PACRG: variants seen among roughly 807,000 people sequenced by gnomAD.
The protein encoded by PACRG is parkin coregulated gene protein.
Under a neutral mutation model 29.7 loss-of-function variants are expected in PACRG, and 29 were observed. The ratio of observed to expected loss-of-function variants is 0.98; its 90% confidence interval spans 0.73 to 1.33. PACRG has a LOEUF of 1.33. Ranked by LOEUF, PACRG falls within the 40% of genes most tolerant of loss-of-function variation. The pLI, the probability that PACRG is intolerant of heterozygous loss-of-function variation, is 0.00. For synonymous variants in PACRG, 116 were observed against 118.7 expected, an observed-to-expected ratio of 0.98 and a Z score of 0.15; for missense variants, 279 against 316.2, an observed-to-expected ratio of 0.88 and a Z score of 0.89.
chr6:163,209,522 G>T (rs6922426), intron 4 of PACRG, among the ~76,000 whole-genome samples: 1 of 152,174 alleles, frequency 6.6e-6, no homozygotes, highest in Non-Finnish European at 1.5e-5. Context: ...AATATTGACA[G>T]GTTATGCTAC....
chr6:162,849,682 A>C (rs1382914124), intron 2 of PACRG, among the ~76,000 whole-genome samples: 3 of 152,218 alleles, frequency 2.0e-5, no homozygotes, highest in Non-Finnish European at 4.4e-5. Flanking sequence ...AGATTATTGA[A>C]AACTACAATT....
At chr6:163,059,200 TTCTC>T (rs1810886389) in intron 2 of PACRG, among the ~76,000 whole-genome samples, 1 of 152,228 alleles carries the variant, frequency 6.6e-6, no homozygotes, top group African/African-American at 2.4e-5. Context: ...TCTTTTCTCT[TTCTC>T]AATCTCTCTC....
At chr6:162,924,047 G>T (rs1028039974) in intron 2 of PACRG, among the ~76,000 whole-genome samples, 56 of 151,964 alleles carry the variant, frequency 3.7e-4, no homozygotes, top group Non-Finnish European at 1.2e-4. Flanking sequence ...GGGGAGTGGG[G>T]TCTTCTTCAA....
chr6:162,868,836 G>T (rs1230807849), intron 2 of PACRG, among the ~76,000 whole-genome samples: 1 of 152,006 alleles, frequency 6.6e-6, no homozygotes, highest in Non-Finnish European at 1.5e-5. Flanking sequence ...AAGGACACAG[G>T]CTCTTTGAAC....
At chr6:162,776,311 T>A (rs901454424) in intron 1 of PACRG, among the ~76,000 whole-genome samples, 2 of 152,232 alleles carry the variant, frequency 1.3e-5, no homozygotes, top group African/African-American at 4.8e-5. Context: ...AACTTATTAT[T>A]GCTGTTGCCA....
intron 2 of PACRG, among the ~76,000 whole-genome samples, chr6:162,890,847 AC>A (rs1219506321): frequency 2.0e-5 from 3 of 151,518 alleles, no homozygotes; most frequent in African/African-American, 2.4e-5. Context: ...AACCTTCACG[AC>A]CCCCTTGAGC....
intron 2 of PACRG, among the ~76,000 whole-genome samples, chr6:163,044,349 T>G (rs1360083782): frequency 6.6e-6 from 1 of 152,118 alleles, no homozygotes; most frequent in East Asian, 1.9e-4. Flanking sequence ...TAAATTTTTT[T>G]GTAGAGAAGG....
chr6:163,037,926 G>A (rs1808358958), intron 2 of PACRG, among the ~76,000 whole-genome samples: 1 of 152,148 alleles, frequency 6.6e-6, no homozygotes, highest in Non-Finnish European at 1.5e-5. Context: ...AAATATTTGG[G>A]TACCCACTTA....
At chr6:163,173,602 G>C (rs1236532009) in intron 4 of PACRG, among the ~76,000 whole-genome samples, 1 of 152,152 alleles carries the variant, frequency 6.6e-6, no homozygotes, top group Non-Finnish European at 1.5e-5. Context: ...AGAGAATCAC[G>C]CTCTCCGCTC....
chr6:162,811,780 G>C (rs1786891916), intron 1 of PACRG, among the ~76,000 whole-genome samples: 1 of 152,120 alleles, frequency 6.6e-6, no homozygotes, highest in Non-Finnish European at 1.5e-5. Flanking sequence ...AAACAGCAAT[G>C]AACTGTTGAT....
At chr6:163,220,930 T>C (rs1385661615) in intron 4 of PACRG, among the ~76,000 whole-genome samples, 1 of 152,232 alleles carries the variant, frequency 6.6e-6, no homozygotes, top group Admixed American at 6.5e-5. Flanking sequence ...AGCTTACTGA[T>C]GTTATGCAAC....
chr6:162,745,333 A>G (rs1780903455), intron 1 of PACRG, among the ~76,000 whole-genome samples: 2 of 151,976 alleles, frequency 1.3e-5, no homozygotes, highest in African/African-American at 2.4e-5. Flanking sequence ...GAGTTGAACA[A>G]TGAGAACACG....
chr6:163,028,630 G>C (rs73783980), intron 2 of PACRG, among the ~76,000 whole-genome samples: 1 of 151,882 alleles, frequency 6.6e-6, no homozygotes, highest in Non-Finnish European at 1.5e-5. Context: ...TTAAATATTC[G>C]TTTTTTCATA....
intron 2 of PACRG, among the ~76,000 whole-genome samples, chr6:162,980,856 G>A (rs764231194): frequency 4.6e-5 from 7 of 152,062 alleles, no homozygotes; most frequent in Non-Finnish European, 1.0e-4. Flanking sequence ...AAGTGTCATC[G>A]TAACAGGAAG....
intron 4 of PACRG, among the ~76,000 whole-genome samples, chr6:163,120,118 G>T (rs1241049349): frequency 2.6e-5 from 4 of 152,058 alleles, no homozygotes; most frequent in Non-Finnish European, 4.4e-5. Flanking sequence ...AGGTTTAGGG[G>T]GAAAGGCTGT....
intron 2 of PACRG, among the ~76,000 whole-genome samples, chr6:162,992,951 C>T (rs1420721628): frequency 5.3e-5 from 8 of 151,902 alleles, no homozygotes; most frequent in South Asian, 4.2e-4. Context: ...TCTCTGTTCT[C>T]GTTGGTTTCA....
At chr6:162,731,996 G>A (rs530186969) in intron 1 of PACRG, among the ~76,000 whole-genome samples, 2 of 152,210 alleles carry the variant, frequency 1.3e-5, no homozygotes, top group East Asian at 3.9e-4. Flanking sequence ...CCTGAGACAA[G>A]GGGGGCTCGA....
intron 4 of PACRG, among the ~76,000 whole-genome samples, chr6:163,217,015 G>A (rs1049773602): frequency 6.6e-6 from 1 of 152,130 alleles, no homozygotes. Context: ...ATACCCACAA[G>A]CATTCCACCA....
intron 4 of PACRG, among the ~76,000 whole-genome samples, chr6:163,247,864 T>G (rs891299364): frequency 1.3e-5 from 2 of 152,340 alleles, no homozygotes; most frequent in East Asian, 3.9e-4. Flanking sequence ...GAAAAATTCT[T>G]TTCTACTTTT....
Sources: gnomAD v4.1 joint callset for allele counts (sites outside exome capture counted in the v4.1 genomes callset) on GRCh38, gnomAD v4.1.1 for gene constraint, MANE v1.5 for transcripts, NCBI Gene and HGNC (gene_info 2026-07-23, HGNC 2026-07-21) for gene names.